Variants in SAMMSON observed in about 807,000 individuals in gnomAD.
The protein encoded by SAMMSON is survival associated mitochondrial melanoma specific oncogenic non-coding RNA.
At chr3:70,291,545 A>G (rs757693314) in intron 7 of SAMMSON, among the ~76,000 whole-genome samples, 1 of 152,104 alleles carries the variant, frequency 6.6e-6, no homozygotes, top group African/African-American at 2.4e-5. Context: ...CTCTCATCAC[A>G]TTCTGAGATT....
At chr3:70,407,302 A>G (rs1255900093) in intron 2 of SAMMSON, among the ~76,000 whole-genome samples, 1 of 152,188 alleles carries the variant, frequency 6.6e-6, no homozygotes, top group African/African-American at 2.4e-5. Context: ...TACTTTCCCA[A>G]CAGTCCCCCA....
intron 1 of SAMMSON, among the ~76,000 whole-genome samples, chr3:70,004,994 T>C (rs1401137840): frequency 6.6e-6 from 1 of 152,198 alleles, no homozygotes; most frequent in East Asian, 1.9e-4. Flanking sequence ...TTTCACTGAG[T>C]GGCAGAGCCC....
At chr3:70,203,580 G>A (rs950451351) in intron 4 of SAMMSON, among the ~76,000 whole-genome samples, 2 of 152,064 alleles carry the variant, frequency 1.3e-5, no homozygotes, top group African/African-American at 4.8e-5. Flanking sequence ...CTGAGCAAAT[G>A]AACTGAAATA....
rs111395686 is a variant in SAMMSON, at chr3:70,049,004, G to T, written n.418-22472G>T. 2.0e-3 allele frequency among the ~76,000 whole-genome samples: 298 copies of T among 152,200 alleles called. 2 individuals are homozygous for T. The highest frequency in any genetic ancestry group is 7.0e-3 in the African/African-American group (291 of 41,550). ...GGTGTGAAAACAGAAGAGGACTATA[G>T]CACTGAGAATTTCATTTTGCTCTGT... On this transcript the variant is annotated intron_variant and non_coding_transcript_variant, in intron 3 of 9. Coordinates refer to ENST00000642114, the Ensembl canonical transcript of SAMMSON.
intron 3 of SAMMSON, among the ~76,000 whole-genome samples, chr3:70,058,258 C>G (rs149314575): frequency 3.9e-4 from 60 of 152,016 alleles, no homozygotes; most frequent in African/African-American, 1.4e-3. Context: ...AAGGATCCTG[C>G]CATCATGAAT....
chr3:70,053,448 C>A (rs1056471916), intron 3 of SAMMSON, among the ~76,000 whole-genome samples: 1 of 152,086 alleles, frequency 6.6e-6, no homozygotes, highest in African/African-American at 2.4e-5. Context: ...AAAGGCAAGG[C>A]ATTCCCCTGT....
intron 2 of SAMMSON, among the ~76,000 whole-genome samples, chr3:70,434,002 T>A (rs897020321): frequency 8.5e-5 from 13 of 152,350 alleles, no homozygotes; most frequent in Admixed American, 8.5e-4. Flanking sequence ...ATTCATCTGT[T>A]CATCTATTCT....
At chr3:70,204,409 G>A (rs1480396922) in intron 4 of SAMMSON, 2 of 152,122 alleles carry the variant, frequency 1.3e-5, no homozygotes, top group African/African-American at 4.8e-5. Flanking sequence ...GTTGTTTGCT[G>A]TTTAGGATAA....
intron 6 of SAMMSON, among the ~76,000 whole-genome samples, chr3:70,277,277 A>C (rs1464776521): frequency 1.3e-5 from 2 of 152,222 alleles, no homozygotes; most frequent in Non-Finnish European, 2.9e-5. Flanking sequence ...ATCATTTTAC[A>C]TATGAAATTC....
At chr3:70,372,242 T>C (rs1275199696) in intron 9 of SAMMSON, among the ~76,000 whole-genome samples, 1 of 152,042 alleles carries the variant, frequency 6.6e-6, no homozygotes, top group Non-Finnish European at 1.5e-5. Context: ...TAATTTTTAT[T>C]CCTTAATTTG....
intron 3 of SAMMSON, among the ~76,000 whole-genome samples, chr3:70,042,577 C>T (rs2067109978): frequency 6.6e-6 from 1 of 151,966 alleles, no homozygotes; most frequent in Non-Finnish European, 1.5e-5. Flanking sequence ...AGAATCTTGC[C>T]TTATTTTTCT....
intron 7 of SAMMSON, among the ~76,000 whole-genome samples, chr3:70,295,480 A>G (rs978234702): frequency 1.3e-5 from 2 of 152,068 alleles, no homozygotes; most frequent in Non-Finnish European, 2.9e-5. Flanking sequence ...GAGTGAGATA[A>G]TCACTTGAGG....
intron 2 of SAMMSON, among the ~76,000 whole-genome samples, chr3:70,403,525 C>G (rs79550089): frequency 0.02 from 2,975 of 152,216 alleles, 98 homozygotes; most frequent in African/African-American, 0.067. Context: ...AACTATGACT[C>G]GCAGTCTCAA....
At chr3:70,305,077 A>G (rs908777457) in intron 7 of SAMMSON, among the ~76,000 whole-genome samples, 8 of 152,168 alleles carry the variant, frequency 5.3e-5, no homozygotes, top group African/African-American at 1.4e-4. Flanking sequence ...TTCCTTGACC[A>G]CTGATTCTAA....
At chr3:70,159,010 T>C (rs946660917) in intron 4 of SAMMSON, among the ~76,000 whole-genome samples, 30 of 152,054 alleles carry the variant, frequency 2.0e-4, no homozygotes, top group African/African-American at 7.0e-4. Context: ...TATTTTCTGT[T>C]TTTTTCCTAT....
At chr3:70,344,854 A>G (rs1702738808) in intron 7 of SAMMSON, among the ~76,000 whole-genome samples, 1 of 152,200 alleles carries the variant, frequency 6.6e-6, no homozygotes, top group Non-Finnish European at 1.5e-5. Context: ...CTACTCTTCT[A>G]AATTTGCTGC....
chr3:70,097,087 G>A (rs1576120840), intron 4 of SAMMSON, among the ~76,000 whole-genome samples: 1 of 152,330 alleles, frequency 6.6e-6, no homozygotes, highest in East Asian at 1.9e-4. Flanking sequence ...TGACCCATAT[G>A]TGAATGAATA....
At chr3:70,032,315 G>A (rs1379123082) in intron 3 of SAMMSON, among the ~76,000 whole-genome samples, 1 of 151,732 alleles carries the variant, frequency 6.6e-6, no homozygotes, top group South Asian at 2.1e-4. Context: ...GTCTGGAATA[G>A]AAAAAAAATA....
At chr3:70,247,686 G>C (rs1350093488) in intron 4 of SAMMSON, among the ~76,000 whole-genome samples, 1 of 151,572 alleles carries the variant, frequency 6.6e-6, no homozygotes, top group African/African-American at 2.4e-5. Flanking sequence ...CATTATCATT[G>C]GTTTTGTTTC....
Sources: allele counts gnomAD v4.1 joint callset (sites outside exome capture counted in the v4.1 genomes callset), GRCh38; gene constraint gnomAD v4.1.1; transcripts MANE v1.5; gene names NCBI Gene and HGNC (gene_info 2026-07-23, HGNC 2026-07-21).